The following GALNT13 variants were observed in gnomAD, a reference collection of about 807,000 sequenced individuals.
The protein encoded by GALNT13 is UDP-GalNAc:polypeptide N-acetylgalactosaminyltransferase 13.
In GALNT13, 28 loss-of-function variants were observed where a neutral mutation model predicts 64.2. That is an observed-to-expected ratio of 0.44 (90% CI 0.32 to 0.60). The LOEUF (loss-of-function observed/expected upper bound fraction) is 0.60, where lower values mean the gene tolerates loss of function less well. GALNT13 is among the 20% of genes least tolerant of loss of function. The pLI is 0.05. For missense variants in GALNT13, 577 were observed against 669.8 expected (o/e 0.86, Z 1.53); for synonymous variants, 214 against 224.6 (o/e 0.95, Z 0.42).
intron 3 of GALNT13, among the ~76,000 whole-genome samples, chr2:153,981,978 T>A (rs1694497725): frequency 6.6e-6 from 1 of 152,114 alleles, no homozygotes; most frequent in Admixed American, 6.6e-5. Flanking sequence ...AGTAGTCTTG[T>A]CCTTTTTCTT....
chr2:153,082,861 C>G, the GALNT13 span, among the ~76,000 whole-genome samples: 2 of 148,618 alleles, frequency 1.3e-5, no homozygotes, highest in Non-Finnish European at 3.0e-5. Flanking sequence ...CAGAGTATCA[C>G]CCTGTCACCC....
chr2:153,088,899 C>G, the GALNT13 span, among the ~76,000 whole-genome samples: 1 of 151,954 alleles, frequency 6.6e-6, no homozygotes, highest in African/African-American at 2.4e-5. Flanking sequence ...TCTCAGATAC[C>G]TTGTAGGTGG....
rs996955833 is a variant in GALNT13 at position 154,236,175 on chromosome 2, A to C, written c.312-5855A>C. The C allele has an allele frequency of 1.7e-5, 19 of 1,085,974 alleles. No individual in the cohort carries two copies. In the African/African-American group the frequency reaches 3.1e-4, roughly 18 times the overall value. 67.3% of individuals were successfully genotyped at this position (1,085,974 alleles called of 1,614,324 possible). On this transcript the variant is annotated intron_variant, in intron 4 of 12. Transcript: ENST00000392825. ...TATTGTCTTCTTGCTTTTATATGAC[A>C]TAAAGGTAATCTTCCTACTTTTATA...
chr2:153,590,703 A>C, the GALNT13 span, among the ~76,000 whole-genome samples: 1 of 152,322 alleles, frequency 6.6e-6, no homozygotes, highest in East Asian at 1.9e-4. Context: ...ATACATCAAC[A>C]GAATGAAGGA....
At chr2:153,154,075 G>A in the GALNT13 span, among the ~76,000 whole-genome samples, 26 of 152,158 alleles carry the variant, frequency 1.7e-4, no homozygotes, top group African/African-American at 6.0e-4. Flanking sequence ...ATTTCTTTAA[G>A]CAGTATTTTG....
At chr2:153,578,731 C>T in the GALNT13 span, among the ~76,000 whole-genome samples, 17 of 152,056 alleles carry the variant, frequency 1.1e-4, no homozygotes, top group African/African-American at 3.1e-4. Context: ...GAAAGTTGGC[C>T]GAGCAGTATG....
chr2:154,425,117 G>T (rs1700415970), intron 11 of GALNT13, among the ~76,000 whole-genome samples: 1 of 151,980 alleles, frequency 6.6e-6, no homozygotes, highest in Non-Finnish European at 1.5e-5. Context: ...TTATAATTTG[G>T]CTTTTCAGAA....
chr2:153,253,207 G>C, the GALNT13 span, among the ~76,000 whole-genome samples: 2 of 149,294 alleles, frequency 1.3e-5, no homozygotes, highest in Non-Finnish European at 1.5e-5. Context: ...TGGATTCCTA[G>C]GTATTTTATT....
intron 3 of GALNT13, among the ~76,000 whole-genome samples, chr2:154,020,270 G>A (rs1356533710): frequency 5.3e-5 from 8 of 152,070 alleles, no homozygotes; most frequent in South Asian, 2.1e-4. Flanking sequence ...CTGAGGAATC[G>A]CCACACCGAC....
At chr2:153,425,600 A>G in the GALNT13 span, among the ~76,000 whole-genome samples, 23 of 151,964 alleles carry the variant, frequency 1.5e-4, no homozygotes, top group African/African-American at 5.1e-4. Context: ...TCAAATAGAA[A>G]AACATGTATC....
the GALNT13 span, among the ~76,000 whole-genome samples, chr2:153,632,557 T>G: frequency 6.6e-6 from 1 of 152,178 alleles, no homozygotes; most frequent in Non-Finnish European, 1.5e-5. Flanking sequence ...TGGAAACCAC[T>G]GATTCTTGCA....
At chr2:153,073,604 A>T in the GALNT13 span, among the ~76,000 whole-genome samples, 4 of 152,258 alleles carry the variant, frequency 2.6e-5, no homozygotes, top group African/African-American at 9.6e-5. Context: ...CAGATATTCT[A>T]TCAGTTTATC....
the GALNT13 span, among the ~76,000 whole-genome samples, chr2:153,677,546 GA>G: frequency 6.7e-6 from 1 of 150,164 alleles, no homozygotes; most frequent in East Asian, 2.0e-4. Context: ...CACAGAATTA[GA>G]AAAAAAAACT....
intron 8 of GALNT13, among the ~76,000 whole-genome samples, chr2:154,269,753 G>A (rs960366538): frequency 2.7e-5 from 4 of 150,562 alleles, no homozygotes; most frequent in Admixed American, 6.6e-5. Context: ...CTGTCATCTC[G>A]GCCACCACTT....
chr2:153,202,448 A>C, the GALNT13 span, among the ~76,000 whole-genome samples: 1 of 152,192 alleles, frequency 6.6e-6, no homozygotes, highest in Non-Finnish European at 1.5e-5. Context: ...CAGTGCTCAC[A>C]TGAACTAGTT....
the GALNT13 span, among the ~76,000 whole-genome samples, chr2:153,714,445 A>C: frequency 6.6e-6 from 1 of 152,214 alleles, no homozygotes; most frequent in Non-Finnish European, 1.5e-5. Flanking sequence ...GCTTTCAAAA[A>C]TGCTCCCCAC....
chr2:153,222,306 CTGGGGGGGGGGGGGGGGGGGTGGGG>C, the GALNT13 span, among the ~76,000 whole-genome samples: 1 of 680 alleles, frequency 1.5e-3, no homozygotes, highest in Admixed American at 0.021. Context: ...ATGAGTCTGG[CTGGGGGGGGGGGGGGGGGGGTGGGG>C]TGGGGGGGGG....
intron 9 of GALNT13, among the ~76,000 whole-genome samples, chr2:154,373,554 A>G (rs1267930450): frequency 6.6e-6 from 1 of 152,190 alleles, no homozygotes; most frequent in Non-Finnish European, 1.5e-5. Context: ...TATAGACAGT[A>G]AGGGATAGAA....
chr2:153,089,028 T>C, the GALNT13 span, among the ~76,000 whole-genome samples: 7 of 152,210 alleles, frequency 4.6e-5, no homozygotes, highest in African/African-American at 1.7e-4. Context: ...GTTGCCTTAA[T>C]ACCTTGGGTT....
Sources: gnomAD v4.1 joint callset for allele counts (sites outside exome capture counted in the v4.1 genomes callset) on GRCh38, gnomAD v4.1.1 for gene constraint, MANE v1.5 for transcripts, NCBI Gene and HGNC (gene_info 2026-07-23, HGNC 2026-07-21) for gene names.